GRID1: variants seen among roughly 807,000 people sequenced by gnomAD.
GRID1 encodes glutamate ionotropic receptor delta type subunit 1, also known as glutamate receptor ionotropic, delta-1.
A neutral mutation model predicts 98.0 loss-of-function variants in GRID1; 28 were observed. The ratio of observed to expected loss-of-function variants is 0.29; its 90% CI spans 0.21 to 0.39. The LOEUF is 0.39. Ranked by LOEUF, GRID1 falls within the 10% of genes least tolerant of loss-of-function variation. The pLI is 1.00. For missense variants in GRID1, 1,111 were observed against 1,340.5 expected, an observed-to-expected ratio of 0.83 and a Z score of 2.67; for synonymous variants, 553 against 538.5, an observed-to-expected ratio of 1.03 and a Z score of -0.37.
chr10:86,287,242 C>T (rs934897159), intron 2 of GRID1, among the ~76,000 whole-genome samples: 8 of 152,286 alleles, frequency 5.3e-5, no homozygotes, highest in African/African-American at 1.9e-4. Flanking sequence ...GCCTGAACTG[C>T]AGTCCCCAAA....
chr10:86,099,960 CA>C, intron 4 of GRID1, among the ~76,000 whole-genome samples: 1 of 152,292 alleles, frequency 6.6e-6, no homozygotes, highest in East Asian at 1.9e-4. Flanking sequence ...CTAATATCAT[CA>C]GTTATTTTGA....
chr10:85,732,069 C>G (rs1410136663), intron 8 of GRID1, among the ~76,000 whole-genome samples: 1 of 152,104 alleles, frequency 6.6e-6, no homozygotes, highest in African/African-American at 2.4e-5. Flanking sequence ...CAAATGGGGT[C>G]AAGGGGTTGA....
chr10:85,611,597 A>G (rs1384847982), intron 15 of GRID1, among the ~76,000 whole-genome samples: 2 of 152,102 alleles, frequency 1.3e-5, no homozygotes, highest in Non-Finnish European at 2.9e-5. Context: ...ACGTGTGCCA[A>G]TTTGGGGGCC....
intron 5 of GRID1, among the ~76,000 whole-genome samples, chr10:85,890,686 A>G (rs900364495): frequency 6.6e-6 from 1 of 152,134 alleles, no homozygotes; most frequent in Admixed American, 6.6e-5. Context: ...CTGTTGTGCT[A>G]TCTTCCTAGC....
intron 4 of GRID1, among the ~76,000 whole-genome samples, chr10:86,014,714 T>A (rs1037037029): frequency 1.3e-5 from 2 of 152,242 alleles, no homozygotes; most frequent in Non-Finnish European, 2.9e-5. Context: ...GCTCACTTTC[T>A]AGCCAGAATG....
rs2132496522 is a variant in GRID1, at chr10:85,600,599, C to G, written c.*1674G>C. 6.6e-6 allele frequency: 1 copy of G among 152,364 alleles called. No individual in the cohort carries two copies. The highest frequency in any genetic ancestry group is 2.1e-4 in the South Asian group (1 of 4,830). 9.4% of individuals were successfully genotyped at this position (152,364 alleles called of 1,614,324 possible). ...TTACTGCTGGCTGTGGGAGCTCCAC[C>G]TCCTTCAGTGACAGATGTGGGCTGT... is the stretch of plus-strand genomic sequence containing the variant. On this transcript the variant is annotated 3_prime_UTR_variant, in exon 16 of 16. Transcript: ENST00000327946.
intron 4 of GRID1, among the ~76,000 whole-genome samples, chr10:86,071,950 C>T (rs1483601925): frequency 6.6e-6 from 1 of 152,060 alleles, no homozygotes; most frequent in Non-Finnish European, 1.5e-5. Flanking sequence ...GAGTGGGAGG[C>T]AGAGACACCT....
intron 5 of GRID1, among the ~76,000 whole-genome samples, chr10:85,878,682 AC>A (rs1208977013): frequency 2.0e-5 from 3 of 152,224 alleles, no homozygotes; most frequent in Admixed American, 6.5e-5. Context: ...AAATGTAAAG[AC>A]CATCAAGGCT....
At chr10:86,248,333 G>A (rs1846764558) in intron 2 of GRID1, among the ~76,000 whole-genome samples, 1 of 152,186 alleles carries the variant, frequency 6.6e-6, no homozygotes, top group African/African-American at 2.4e-5. Context: ...ACCTCAGCAG[G>A]TGGCCATATT....
intron 4 of GRID1, among the ~76,000 whole-genome samples, chr10:86,114,366 C>A (rs1301297943): frequency 6.6e-6 from 1 of 152,094 alleles, no homozygotes; most frequent in Non-Finnish European, 1.5e-5. Flanking sequence ...GGAGAGGTGG[C>A]AGTCAGGGAA....
chr10:86,310,130 C>G (rs543569354), intron 2 of GRID1, among the ~76,000 whole-genome samples: 1 of 152,242 alleles, frequency 6.6e-6, no homozygotes, highest in Admixed American at 6.5e-5. Flanking sequence ...TCACCCTCAC[C>G]TGGCTCTCCT....
intron 12 of GRID1, among the ~76,000 whole-genome samples, chr10:85,682,071 C>G (rs1336639282): frequency 6.6e-6 from 1 of 152,036 alleles, no homozygotes; most frequent in East Asian, 1.9e-4. Context: ...GACAGACATG[C>G]CTTCTCAGAA....
intron 2 of GRID1, among the ~76,000 whole-genome samples, chr10:86,305,210 C>G (rs1366636673): frequency 6.6e-6 from 1 of 152,132 alleles, no homozygotes; most frequent in African/African-American, 2.4e-5. Flanking sequence ...GGTCTCCAGC[C>G]TGCTCTGCAG....
intron 2 of GRID1, among the ~76,000 whole-genome samples, chr10:86,248,560 A>ATTTT (rs1846768573): frequency 8.1e-6 from 1 of 122,966 alleles, no homozygotes; most frequent in African/African-American, 3.2e-5. Context: ...GGGCATGACA[A>ATTTT]TTCTTTTTTT....
intron 2 of GRID1, among the ~76,000 whole-genome samples, chr10:86,214,204 C>A (rs1255174485): frequency 1.3e-5 from 2 of 152,212 alleles, no homozygotes; most frequent in Non-Finnish European, 2.9e-5. Flanking sequence ...ATGGGACCCA[C>A]AGGCCCAGCA....
chr10:86,340,072 A>C (rs979678661), intron 2 of GRID1, among the ~76,000 whole-genome samples: 1 of 151,772 alleles, frequency 6.6e-6, no homozygotes, highest in African/African-American at 2.4e-5. Context: ...GGAGGAGGGG[A>C]GAGTGAGCCT....
intron 12 of GRID1, among the ~76,000 whole-genome samples, chr10:85,677,865 G>T (rs1841162395): frequency 6.6e-6 from 1 of 152,148 alleles, no homozygotes; most frequent in Non-Finnish European, 1.5e-5. Flanking sequence ...GCTCCATTTT[G>T]TAGCCTGGTG....
At chr10:85,958,608 C>T (rs1030661728) in intron 4 of GRID1, among the ~76,000 whole-genome samples, 3 of 152,126 alleles carry the variant, frequency 2.0e-5, no homozygotes, top group East Asian at 1.9e-4. Flanking sequence ...AGGTAGATCA[C>T]CCCCACTAAT....
intron 4 of GRID1, among the ~76,000 whole-genome samples, chr10:85,974,999 C>T (rs1842453634): frequency 6.6e-6 from 1 of 152,172 alleles, no homozygotes; most frequent in Admixed American, 6.5e-5. Context: ...TACACATCAA[C>T]CTAATTGCCC....
Sources: gnomAD v4.1 joint callset for allele counts (sites outside exome capture counted in the v4.1 genomes callset) on GRCh38, gnomAD v4.1.1 for gene constraint, MANE v1.5 for transcripts, NCBI Gene and HGNC (gene_info 2026-07-23, HGNC 2026-07-21) for gene names.